The following RORB variants were observed in gnomAD, a reference collection of about 807,000 sequenced individuals.
RORB encodes the protein nuclear receptor ROR-beta.
Under a neutral mutation model 59.1 loss-of-function variants are expected in RORB, and 6 were observed. The observed-to-expected ratio is 0.10, with a 90% confidence interval of 0.06 to 0.20. The LOEUF (loss-of-function observed/expected upper bound fraction) is 0.20. Ranked by LOEUF, RORB falls within the 10% of genes least tolerant of loss-of-function variation. The pLI is 1.00. For missense variants in RORB, 320 were observed against 560.5 expected, an observed-to-expected ratio of 0.57 and a Z score of 4.33; for synonymous variants, 215 against 204.5, an observed-to-expected ratio of 1.05 and a Z score of -0.44.
At chr9:74,600,043 T>C (rs1034469040) in intron 1 of RORB, among the ~76,000 whole-genome samples, 2 of 152,330 alleles carry the variant, frequency 1.3e-5, no homozygotes, top group Non-Finnish European at 2.9e-5. Context: ...TCTCAGATAA[T>C]GAACACTTTA....
At chr9:74,553,851 A>C (rs1277865529) in intron 1 of RORB, among the ~76,000 whole-genome samples, 4 of 152,204 alleles carry the variant, frequency 2.6e-5, no homozygotes, top group Non-Finnish European at 5.9e-5. Flanking sequence ...TTCTTGACCC[A>C]GGCGTAAACA....
intron 1 of RORB, among the ~76,000 whole-genome samples, chr9:74,569,113 T>C (rs986303): frequency 0.96 from 145,577 of 152,120 alleles, 69,990 homozygotes; most frequent in East Asian, 1. Flanking sequence ...TATGAATGTA[T>C]TTCAGTCACC....
At chr9:74,576,345 C>T (rs922234459) in intron 1 of RORB, among the ~76,000 whole-genome samples, 1 of 152,100 alleles carries the variant, frequency 6.6e-6, no homozygotes, top group African/African-American at 2.4e-5. Flanking sequence ...ACGAGCCTTG[C>T]AGGAATTCCC....
At chr9:74,655,380 G>A (rs189444927) in intron 4 of RORB, among the ~76,000 whole-genome samples, 3 of 152,306 alleles carry the variant, frequency 2.0e-5, no homozygotes, top group Admixed American at 2.0e-4. Flanking sequence ...AGAGCATACT[G>A]ACTTCTTCTT....
At chr9:74,621,297 T>G (rs1192827500) in intron 1 of RORB, among the ~76,000 whole-genome samples, 1 of 152,202 alleles carries the variant, frequency 6.6e-6, no homozygotes, top group Non-Finnish European at 1.5e-5. Flanking sequence ...TGGCAACTAA[T>G]GATTTTTTTA....
At chr9:74,612,386 G>A (rs67022110) in intron 1 of RORB, among the ~76,000 whole-genome samples, 46,986 of 151,910 alleles carry the variant, frequency 0.31, 7,438 homozygotes, top group Non-Finnish European at 0.35. Flanking sequence ...AGGCCAAGGA[G>A]GAGCTTGGGT....
At chr9:74,583,033 A>C (rs1207531532) in intron 1 of RORB, among the ~76,000 whole-genome samples, 1 of 152,136 alleles carries the variant, frequency 6.6e-6, no homozygotes, top group African/African-American at 2.4e-5. Context: ...TGAATAAGGC[A>C]ACAATGTGGC....
chr9:74,565,619 T>G (rs1052161724), intron 1 of RORB, among the ~76,000 whole-genome samples: 3 of 152,216 alleles, frequency 2.0e-5, no homozygotes, highest in Non-Finnish European at 1.5e-5. Flanking sequence ...TGAAAATTAT[T>G]TATCTTTACA....
chr9:74,620,286 G>A (rs200803313), intron 1 of RORB, among the ~76,000 whole-genome samples: 4 of 152,180 alleles, frequency 2.6e-5, no homozygotes, highest in Non-Finnish European at 5.9e-5. Context: ...TGTATGTGTC[G>A]AGGAATTTAT....
At chr9:74,545,467 T>A (rs1253262371) in intron 1 of RORB, among the ~76,000 whole-genome samples, 1 of 152,212 alleles carries the variant, frequency 6.6e-6, no homozygotes, top group Non-Finnish European at 1.5e-5. Context: ...TCATTCTCTG[T>A]TTCAGAAATG....
intron 9 of RORB, among the ~76,000 whole-genome samples, chr9:74,679,004 C>A (rs1273450546): frequency 6.7e-6 from 1 of 149,072 alleles, no homozygotes; most frequent in Non-Finnish European, 1.5e-5. Flanking sequence ...TGAACTCCAG[C>A]CTGGGAGACA....
chr9:74,631,573 T>C (rs1164169987), intron 2 of RORB, among the ~76,000 whole-genome samples: 1 of 151,982 alleles, frequency 6.6e-6, no homozygotes, highest in Non-Finnish European at 1.5e-5. Context: ...TTCCTAATGG[T>C]CTCAAAAAGG....
chr9:74,576,779 C>G (rs1201296484), intron 1 of RORB, among the ~76,000 whole-genome samples: 2 of 152,008 alleles, frequency 1.3e-5, no homozygotes, highest in African/African-American at 4.8e-5. Context: ...AAAGAACATT[C>G]TTATATAATA....
intron 1 of RORB, among the ~76,000 whole-genome samples, chr9:74,560,630 T>C (rs563298776): frequency 6.6e-6 from 1 of 151,904 alleles, no homozygotes; most frequent in East Asian, 1.9e-4. Flanking sequence ...ATTCCAAAGA[T>C]CTTAGTCATT....
chr9:74,572,158 G>A (rs562266949), intron 1 of RORB, among the ~76,000 whole-genome samples: 47 of 152,176 alleles, frequency 3.1e-4, no homozygotes, highest in African/African-American at 1.1e-3. Flanking sequence ...AAGCTCCATC[G>A]TTCTGTCTCT....
chr9:74,663,393 C>G (rs1824220757), intron 6 of RORB, among the ~76,000 whole-genome samples: 1 of 152,048 alleles, frequency 6.6e-6, no homozygotes, highest in Non-Finnish European at 1.5e-5. Context: ...GGAAAAGATT[C>G]AGAGAAGTGA....
At chr9:74,658,678 C>T (rs1352753389) in intron 4 of RORB, among the ~76,000 whole-genome samples, 2 of 152,020 alleles carry the variant, frequency 1.3e-5, no homozygotes, top group South Asian at 4.2e-4. Context: ...ACATTATATA[C>T]CTACTGGAAA....
chr9:74,583,924 A>G (rs1210440210), intron 1 of RORB, among the ~76,000 whole-genome samples: 1 of 152,182 alleles, frequency 6.6e-6, no homozygotes, highest in African/African-American at 2.4e-5. Flanking sequence ...AGACAGACTG[A>G]GCACTTTGAT....
intron 1 of RORB, 43 bp from the exon 2 acceptor site, chr9:74,630,239 A>G: frequency 1.2e-6 from 2 of 1,605,806 alleles, no homozygotes; most frequent in African/African-American, 1.3e-5. Flanking sequence ...GAAAGGAGAA[A>G]GAAAACATCT....
Sources: allele counts gnomAD v4.1 joint callset (sites outside exome capture counted in the v4.1 genomes callset), GRCh38; gene constraint gnomAD v4.1.1; transcripts MANE v1.5; gene names NCBI Gene and HGNC (gene_info 2026-07-23, HGNC 2026-07-21).